The following SIPA1L3 variants were observed in gnomAD, a reference collection of about 807,000 sequenced individuals.
SIPA1L3 encodes signal induced proliferation associated 1 like 3, also known as signal-induced proliferation-associated 1-like protein 3.
A neutral mutation model predicts 150.1 loss-of-function variants in SIPA1L3; 59 were observed. The ratio of observed to expected loss-of-function variants is 0.39; its 90% confidence interval spans 0.32 to 0.49. The LOEUF is 0.49. Ranked by LOEUF, SIPA1L3 falls within the 20% of genes least tolerant of loss-of-function variation. SIPA1L3 has a pLI of 0.86. For missense variants in SIPA1L3, 2,211 were observed against 2,489.5 expected (o/e 0.89, Z 2.38); for synonymous variants, 1,070 against 1,077.6 (o/e 0.99, Z 0.14).
At chr19:37,914,697 A>G (rs1388208220) in intron 1 of SIPA1L3, among the ~76,000 whole-genome samples, 1 of 152,064 alleles carries the variant, frequency 6.6e-6, no homozygotes, top group Non-Finnish European at 1.5e-5. Flanking sequence ...TATTTTTTGT[A>G]GAGACCTGTT....
intron 1 of SIPA1L3, among the ~76,000 whole-genome samples, chr19:37,910,802 G>A (rs1249375338): frequency 6.6e-6 from 1 of 152,038 alleles, no homozygotes; most frequent in Non-Finnish European, 1.5e-5. Flanking sequence ...ATGGGGTTTC[G>A]CCATGTTGGC....
At chr19:37,923,270 T>A (rs1430774513) in intron 1 of SIPA1L3, among the ~76,000 whole-genome samples, 1 of 152,112 alleles carries the variant, frequency 6.6e-6, no homozygotes, top group Non-Finnish European at 1.5e-5. Context: ...CTGAGAAATG[T>A]GTTGTTAGGC....
intron 1 of SIPA1L3, among the ~76,000 whole-genome samples, chr19:38,016,420 A>C (rs750110291): frequency 6.6e-6 from 1 of 152,236 alleles, no homozygotes; most frequent in Non-Finnish European, 1.5e-5. Context: ...GTAGTGGTCC[A>C]TATTGGCAGA....
intron 2 of SIPA1L3, among the ~76,000 whole-genome samples, chr19:38,078,932 A>G (rs781330604): frequency 5.3e-5 from 8 of 152,142 alleles, no homozygotes; most frequent in Non-Finnish European, 1.0e-4. Context: ...GGTGTTTTAT[A>G]TGCTGGACAG....
At chr19:38,100,207 C>T in intron 5 of SIPA1L3, 57 bp downstream of exon 5, 1 of 1,309,974 alleles carries the variant, frequency 7.6e-7, no homozygotes, top group Non-Finnish European at 1.0e-6. Context: ...CAACCCCACT[C>T]CTGGTAGCTT....
chr19:37,979,512 G>A (rs1043912887), intron 1 of SIPA1L3, among the ~76,000 whole-genome samples: 8 of 151,468 alleles, frequency 5.3e-5, no homozygotes, highest in South Asian at 2.1e-4. Flanking sequence ...AGCCGAGATC[G>A]TGCCACTGCA....
intron 1 of SIPA1L3, among the ~76,000 whole-genome samples, chr19:37,995,058 A>T (rs1315556773): frequency 6.6e-6 from 1 of 152,204 alleles, no homozygotes; most frequent in Admixed American, 6.5e-5. Flanking sequence ...ATCCTGAGCT[A>T]GGAGGAGAGG....
intron 1 of SIPA1L3, among the ~76,000 whole-genome samples, chr19:38,003,542 CTTGAG>C (rs1327613042): frequency 1.3e-5 from 2 of 152,194 alleles, no homozygotes; most frequent in Non-Finnish European, 2.9e-5. Context: ...CACTTCCTGA[CTTGAG>C]TTTATTTCCG....
At chr19:38,139,402 G>A (rs538444935) in intron 10 of SIPA1L3, among the ~76,000 whole-genome samples, 15 of 152,282 alleles carry the variant, frequency 9.9e-5, no homozygotes, top group African/African-American at 3.6e-4. Flanking sequence ...ATCAGGAGAG[G>A]GGGTGTGGGG....
chr19:38,115,727 C>G (rs1460460090), intron 8 of SIPA1L3, among the ~76,000 whole-genome samples: 1 of 152,246 alleles, frequency 6.6e-6, no homozygotes, highest in Non-Finnish European at 1.5e-5. Flanking sequence ...TTCATCATCA[C>G]TTGCTCAGAG....
At chr19:38,020,299 T>A (rs1400397564) in intron 1 of SIPA1L3, among the ~76,000 whole-genome samples, 1 of 150,600 alleles carries the variant, frequency 6.6e-6, no homozygotes, top group Non-Finnish European at 1.5e-5. Context: ...CTGTTAGTAA[T>A]TTTTTTTTTC....
At chr19:37,984,930 G>T (rs1434701462) in intron 1 of SIPA1L3, among the ~76,000 whole-genome samples, 4 of 152,308 alleles carry the variant, frequency 2.6e-5, no homozygotes, top group South Asian at 4.1e-4. Flanking sequence ...ATATTTCTGG[G>T]GCCTCTTGTC....
chr19:38,143,531 T>C (rs1199216494), intron 12 of SIPA1L3, among the ~76,000 whole-genome samples: 1 of 143,984 alleles, frequency 6.9e-6, no homozygotes, highest in Non-Finnish European at 1.5e-5. Flanking sequence ...GCCAGAGGGA[T>C]CTTTCTGTGT....
intron 1 of SIPA1L3, among the ~76,000 whole-genome samples, chr19:37,997,731 G>C (rs1481597117): frequency 6.6e-6 from 1 of 151,908 alleles, no homozygotes; most frequent in African/African-American, 2.4e-5. Flanking sequence ...TCTGGGCGCA[G>C]TGGTGCGCTC....
At chr19:38,135,276 C>T (rs1971409392) in intron 10 of SIPA1L3, among the ~76,000 whole-genome samples, 1 of 152,162 alleles carries the variant, frequency 6.6e-6, no homozygotes, top group African/African-American at 2.4e-5. Flanking sequence ...GAGGGTGTGG[C>T]CACCCCTACC....
chr19:38,113,847 G>A (rs1282290569), intron 8 of SIPA1L3, among the ~76,000 whole-genome samples: 3 of 152,098 alleles, frequency 2.0e-5, no homozygotes, highest in African/African-American at 7.2e-5. Flanking sequence ...TTGCCCTCTG[G>A]TGATCAGGTG....
chr19:38,120,719 C>T (rs1970995545), intron 9 of SIPA1L3, among the ~76,000 whole-genome samples: 1 of 152,184 alleles, frequency 6.6e-6, no homozygotes, highest in Non-Finnish European at 1.5e-5. Flanking sequence ...TTCCCCTAAA[C>T]CCCTCGTGGA....
intron 7 of SIPA1L3, chr19:38,109,560 T>TA (rs1970694761): frequency 6.6e-6 from 1 of 152,420 alleles, no homozygotes; most frequent in Non-Finnish European, 1.5e-5. Context: ...GTGGCGCCTA[T>TA]AACTGGCCCT....
chr19:38,082,662 G>C lies in SIPA1L3; in HGVS notation c.1097G>C (p.Arg366Pro). ...AANRVSVSQR[R>P]NTTTGASAAS... The stretch of plus-strand genomic sequence containing the variant: ...AACAGGGTGTCGGTGTCGCAGCGGC[G>C]GAACACCACCACGGGTGCTTCGGCC... Residue 366 changes from arginine (R) to proline (P), a missense_variant, in exon 3 of 22, where the codon CGG becomes CCG. This residue lies in a region of SIPA1L3 where 587 missense variants were observed against 534.5 expected (regional missense o/e 1.10). Coordinates refer to ENST00000222345, the MANE Select transcript of SIPA1L3 (RefSeq NM_015073.3). 1 of 1,607,998 alleles carries C rather than the reference G, an allele frequency of 6.2e-7. No individual in the cohort carries two copies. The highest frequency in any genetic ancestry group is 8.5e-7 in the Non-Finnish European group (1 of 1,179,544).
Sources: gnomAD v4.1 joint callset for allele counts (sites outside exome capture counted in the v4.1 genomes callset) on GRCh38, gnomAD v4.1.1 for gene constraint, gnomAD v4.1.1 regional missense constraint, MANE v1.5 for transcripts, NCBI Gene and HGNC (gene_info 2026-07-23, HGNC 2026-07-21) for gene names.